Variants in EHD4 observed in about 807,000 individuals in gnomAD.
The protein encoded by EHD4 is EH domain-containing protein 4.
EHD4 carries 37 observed loss-of-function variants against 51.0 expected under a neutral mutation model. The observed-to-expected ratio is 0.73, with a 90% CI of 0.56 to 0.95. EHD4 has a LOEUF of 0.95. Among genes scored for constraint, EHD4 ranks in the 40% least tolerant of loss-of-function variants. The pLI is 0.00. For synonymous variants in EHD4, 297 were observed against 317.3 expected, an observed-to-expected ratio of 0.94 and a Z score of 0.68; for missense variants, 632 against 733.1, an observed-to-expected ratio of 0.86 and a Z score of 1.59.
At chr15:41,904,093 G>C (rs904718127) in intron 5 of EHD4, among the ~76,000 whole-genome samples, 2 of 152,138 alleles carry the variant, frequency 1.3e-5, no homozygotes, top group African/African-American at 2.4e-5. Flanking sequence ...TGGATTCCCC[G>C]GGTGCGTGAA....
At chr15:41,908,226 G>C (rs138592837) in intron 5 of EHD4, 56 of 152,206 alleles carry the variant, frequency 3.7e-4, no homozygotes, top group African/African-American at 1.3e-3. Flanking sequence ...AAATATATTA[G>C]ACTGATTCAC....
At position 41,919,626 on chromosome 15, in the gene EHD4, G is replaced by A. The variant is rs561884520; in HGVS notation, c.512-4C>T. ...AGGACCTGGCAGAAGTCATAGCCTG[G>A]GTGGAGAGAAGGACACGTCAGTGTA... is the stretch of plus-strand genomic sequence containing the variant. On this transcript the variant is annotated splice_region_variant and splice_polypyrimidine_tract_variant and intron_variant, in intron 3 of 5. Coordinates refer to ENST00000220325, the MANE Select transcript of EHD4 (RefSeq NM_139265.4). 1.5e-4 allele frequency: 225 copies of A among 1,509,202 alleles called. No individual in the cohort carries two copies. In the South Asian group the frequency reaches 2.9e-3, roughly 19 times the overall value. 93.5% of individuals were successfully genotyped at this position (1,509,202 alleles called of 1,614,324 possible). A position where few individuals can be genotyped will look rare whatever the true frequency, so the allele number is the denominator to read the frequency against.
At chr15:41,912,156 G>A (rs1335279875) in intron 4 of EHD4, among the ~76,000 whole-genome samples, 2 of 152,120 alleles carry the variant, frequency 1.3e-5, no homozygotes, top group Non-Finnish European at 2.9e-5. Flanking sequence ...GGCTGATCTT[G>A]TGCCAGGTCT....
intron 3 of EHD4, among the ~76,000 whole-genome samples, chr15:41,920,867 A>G (rs1403731715): frequency 6.6e-6 from 1 of 152,220 alleles, no homozygotes; most frequent in Non-Finnish European, 1.5e-5. Flanking sequence ...ATACTCAACC[A>G]TCTGTGGATA....
At chr15:41,924,482 A>G (rs2067648173) in intron 3 of EHD4, among the ~76,000 whole-genome samples, 2 of 152,216 alleles carry the variant, frequency 1.3e-5, no homozygotes, top group Admixed American at 6.5e-5. Context: ...GAGTTAATAT[A>G]CGTGAAGCAT....
At chr15:41,909,594 T>C (rs2067535220) in intron 5 of EHD4, 105 bp downstream of exon 5, 2 of 1,344,668 alleles carry the variant, frequency 1.5e-6, no homozygotes, top group Admixed American at 3.8e-5. Context: ...TGCGTTGTCC[T>C]TGATCCTAAA....
intron 1 of EHD4, among the ~76,000 whole-genome samples, chr15:41,955,730 T>C (rs1423876818): frequency 6.6e-6 from 1 of 152,264 alleles, no homozygotes; most frequent in African/African-American, 2.4e-5. Flanking sequence ...TGAGAAATGC[T>C]GGTAAAAGTT....
Position 41,919,343 on chromosome 15 carries a change from G to T in EHD4, c.791C>A (p.Pro264His), listed in dbSNP as rs2067607703. Residue 264 changes from proline (P) to histidine (H), a missense_variant, in exon 4 of 6, where the codon CCC becomes CAC. Physicochemically the swap from Pro to His is moderately conservative, Grantham distance 77. Transcript: ENST00000220325. ...RVYIGSFWAQ[P>H]LQNTDNRRLF... Reference sequence around the variant, plus strand: ...CCGGCGGTTGTCCGTGTTCTGCAGGGGCTGCGCCCAGAAGGAGCCAATGTA... The same window carrying T: ...CCGGCGGTTGTCCGTGTTCTGCAGGTGCTGCGCCCAGAAGGAGCCAATGTA... 1 of 1,614,210 alleles carries T rather than the reference G, an allele frequency of 6.2e-7. No individual in the cohort carries two copies.
chr15:41,971,368 C>A (rs567331903), intron 1 of EHD4, among the ~76,000 whole-genome samples: 4 of 152,330 alleles, frequency 2.6e-5, no homozygotes, highest in Admixed American at 1.3e-4. Flanking sequence ...AAAATAAGTT[C>A]TTCTTACCAA....
At chr15:41,907,824 C>CTGTGTGTGTGTG (rs10522331) in intron 5 of EHD4, among the ~76,000 whole-genome samples, 169 of 132,102 alleles carry the variant, frequency 1.3e-3, no homozygotes, top group East Asian at 3.2e-3. Context: ...CGCCCAGGCT[C>CTGTGTGTGTGTG]TGTGTGTGTG....
intron 3 of EHD4, among the ~76,000 whole-genome samples, chr15:41,925,289 G>C (rs1285888967): frequency 6.6e-6 from 1 of 152,182 alleles, no homozygotes; most frequent in Non-Finnish European, 1.5e-5. Context: ...TATAGTAGAA[G>C]CCTTAAGCTT....
intron 4 of EHD4, among the ~76,000 whole-genome samples, chr15:41,917,384 G>T (rs1274208889): frequency 1.3e-5 from 2 of 152,168 alleles, no homozygotes; most frequent in African/African-American, 4.8e-5. Context: ...CTCCCAAAGT[G>T]CTGGGATTAC....
intron 3 of EHD4, among the ~76,000 whole-genome samples, chr15:41,927,464 C>T (rs569808499): frequency 3.0e-4 from 45 of 152,200 alleles, no homozygotes; most frequent in African/African-American, 1.0e-3. Context: ...AGTGAATGAA[C>T]GGATAGAGAA....
chr15:41,928,598 T>A (rs538304924), intron 3 of EHD4: 5 of 152,272 alleles, frequency 3.3e-5, no homozygotes, highest in Non-Finnish European at 7.3e-5. Flanking sequence ...AAAACAAATA[T>A]GCATATTGTA....
At chr15:41,925,401 A>G (rs1461092376) in intron 3 of EHD4, among the ~76,000 whole-genome samples, 1 of 152,210 alleles carries the variant, frequency 6.6e-6, no homozygotes, top group Non-Finnish European at 1.5e-5. Flanking sequence ...CAGGAGTGAG[A>G]ATGCTCCAAG....
Position 41,919,215 on chromosome 15 carries a change from C to A in EHD4, c.919G>T (p.Ala307Ser). The A allele has an allele frequency of 6.2e-7, 1 of 1,613,768 alleles. No homozygotes were observed. Residue 307 changes from alanine (A) to serine (S), a missense_variant, in exon 4 of 6, where the codon GCC (alanine) becomes TCC (serine). Transcript: ENST00000220325. ...CAAGGCATCTCCTGGCTTACCTTGG[C>A]CAGCCTCGCTCGCTTGATGAGGTCG... ...LNDLIKRARL[A>S]KVHAYIISYL...
At chr15:41,968,951 G>T (rs189893570) in intron 1 of EHD4, among the ~76,000 whole-genome samples, 134 of 152,266 alleles carry the variant, frequency 8.8e-4, no homozygotes, top group African/African-American at 3.1e-3. Context: ...TATTTCGTTT[G>T]CATGCGGCTA....
chr15:41,959,395 C>CAAAAAAA (rs36120701), intron 1 of EHD4, among the ~76,000 whole-genome samples: 6 of 66,410 alleles, frequency 9.0e-5, no homozygotes, highest in African/African-American at 3.5e-4. Flanking sequence ...GACTTTGTCT[C>CAAAAAAA]AAAAAAAAAA....
At chr15:41,966,460 T>C (rs1259109616) in intron 1 of EHD4, among the ~76,000 whole-genome samples, 1 of 152,126 alleles carries the variant, frequency 6.6e-6, no homozygotes, top group Non-Finnish European at 1.5e-5. Context: ...GGCCACGTGG[T>C]TGGTGGGGCT....
Sources: gnomAD v4.1 joint callset for allele counts (sites outside exome capture counted in the v4.1 genomes callset) on GRCh38, gnomAD v4.1.1 for gene constraint, MANE v1.5 for transcripts, NCBI Gene and HGNC (gene_info 2026-07-23, HGNC 2026-07-21) for gene names.